Variants in CSMD1 observed in about 807,000 individuals in gnomAD.
The protein encoded by CSMD1 is CUB and Sushi multiple domains 1.
A neutral mutation model predicts 417.5 loss-of-function variants in CSMD1; 213 were observed. The observed-to-expected ratio is 0.51, with a 90% CI of 0.46 to 0.57. The LOEUF is 0.57. Among genes scored for constraint, CSMD1 ranks in the 20% least tolerant of loss-of-function variants. CSMD1 has a pLI of 0.00. For synonymous variants in CSMD1, 2,862 were observed against 1,736.8 expected, an observed-to-expected ratio of 1.65 and a Z score of -16.11; for missense variants, 6,923 against 4,529.7, an observed-to-expected ratio of 1.53 and a Z score of -15.17.
At chr8:4,971,067 A>G (rs7004048) in intron 1 of CSMD1, among the ~76,000 whole-genome samples, 2,718 of 152,158 alleles carry the variant, frequency 0.018, 88 homozygotes, top group African/African-American at 0.063. Flanking sequence ...GGTCTTAACT[A>G]TGTCTGTGAC....
chr8:4,951,833 G>C (rs912638054), intron 1 of CSMD1, among the ~76,000 whole-genome samples: 6 of 117,654 alleles, frequency 5.1e-5, no homozygotes, highest in African/African-American at 1.8e-4. Context: ...TGCTTATAAA[G>C]ATCAACAAAG....
chr8:3,507,072 G>T (rs62474254), intron 10 of CSMD1, among the ~76,000 whole-genome samples: 45,165 of 151,940 alleles, frequency 0.3, 7,613 homozygotes, highest in Non-Finnish European at 0.37. Context: ...TGGTGTCATG[G>T]TTACAGTTTT....
intron 40 of CSMD1, among the ~76,000 whole-genome samples, chr8:3,143,932 C>G (rs1002838077): frequency 6.6e-6 from 1 of 152,004 alleles, no homozygotes; most frequent in African/African-American, 2.4e-5. Flanking sequence ...AGAAAAAAGT[C>G]CAAGTGAAAA....
chr8:3,387,179 G>T (rs997983911), intron 18 of CSMD1, among the ~76,000 whole-genome samples: 3 of 152,218 alleles, frequency 2.0e-5, no homozygotes, highest in Non-Finnish European at 4.4e-5. Flanking sequence ...CCTAGGATAT[G>T]TGTGGCGACT....
At chr8:3,925,842 A>G (rs1251357681) in intron 5 of CSMD1, among the ~76,000 whole-genome samples, 1 of 152,060 alleles carries the variant, frequency 6.6e-6, no homozygotes, top group Non-Finnish European at 1.5e-5. Context: ...GGGCAGTGAA[A>G]GATATTTGGG....
rs1453243311 is a variant in CSMD1, at chr8:3,411,930, A to ATATG, written c.1562-2326_1562-2325insCATA. On this transcript the variant is annotated intron_variant, in intron 12 of 69. Coordinates refer to ENST00000635120, the MANE Select transcript of CSMD1 (RefSeq NM_033225.6). ...TACACGTATATATGCACGTATATAT[A>ATATG]CACGTATATATGCACGTATATATAC... Among the ~76,000 whole-genome samples the ATATG allele has an allele frequency of 3.2e-4, 11 of 34,876 alleles. 2 individuals are homozygous for ATATG. The highest frequency in any genetic ancestry group is 1.2e-3 in the Admixed American group (4 of 3,392). 22.9% of individuals were successfully genotyped at this position (34,876 alleles called of 152,430 possible). A position where few individuals can be genotyped will look rare whatever the true frequency, so the allele number is the denominator to read the frequency against.
At chr8:3,253,098 C>G (rs1800395378) in intron 26 of CSMD1, among the ~76,000 whole-genome samples, 4 of 152,086 alleles carry the variant, frequency 2.6e-5, no homozygotes, top group African/African-American at 9.7e-5. Context: ...TCTTGGTTCT[C>G]CAGTTCTTTT....
At chr8:3,005,319 G>C (rs942197825) in intron 52 of CSMD1, among the ~76,000 whole-genome samples, 2 of 152,078 alleles carry the variant, frequency 1.3e-5, no homozygotes, top group East Asian at 1.9e-4. Flanking sequence ...ACTCTATTCT[G>C]TGTCTGATGA....
At chr8:3,248,426 T>C (rs761172796) in intron 26 of CSMD1, among the ~76,000 whole-genome samples, 2 of 149,764 alleles carry the variant, frequency 1.3e-5, no homozygotes, top group African/African-American at 4.9e-5. Flanking sequence ...TTCAGAAGAA[T>C]AAGGGAAATG....
intron 2 of CSMD1, among the ~76,000 whole-genome samples, chr8:4,527,827 A>C (rs1436999595): frequency 2.0e-5 from 3 of 152,330 alleles, no homozygotes; most frequent in Non-Finnish European, 1.5e-5. Flanking sequence ...AGAAAGATTA[A>C]GTTTTCAGCC....
At chr8:2,991,308 T>G (rs1224166110) in intron 54 of CSMD1, among the ~76,000 whole-genome samples, 1 of 152,266 alleles carries the variant, frequency 6.6e-6, no homozygotes, top group Admixed American at 6.5e-5. Flanking sequence ...TTTAAATTTC[T>G]GTAACAGGGT....
intron 49 of CSMD1, among the ~76,000 whole-genome samples, chr8:3,075,858 G>A (rs372380215): frequency 3.3e-5 from 5 of 150,864 alleles, no homozygotes; most frequent in African/African-American, 1.2e-4. Context: ...TGGGTAACAT[G>A]GGGAAACACT....
At chr8:4,310,410 C>G (rs1403698937) in intron 3 of CSMD1, among the ~76,000 whole-genome samples, 2 of 152,138 alleles carry the variant, frequency 1.3e-5, no homozygotes, top group Non-Finnish European at 2.9e-5. Flanking sequence ...GTCATTTAAA[C>G]ATTTTGGTAT....
chr8:3,965,320 A>C (rs1474878116), intron 5 of CSMD1, among the ~76,000 whole-genome samples: 1 of 152,180 alleles, frequency 6.6e-6, no homozygotes, highest in African/African-American at 2.4e-5. Context: ...GCTACCATGA[A>C]GATAATGTTC....
intron 2 of CSMD1, among the ~76,000 whole-genome samples, chr8:4,422,361 C>A (rs138096222): frequency 6.6e-6 from 1 of 152,028 alleles, no homozygotes; most frequent in Non-Finnish European, 1.5e-5. Context: ...GAAGCCCCAA[C>A]CCCCAACATA....
intron 25 of CSMD1, among the ~76,000 whole-genome samples, chr8:3,294,484 C>T (rs1232529373): frequency 1.3e-5 from 2 of 152,176 alleles, no homozygotes; most frequent in African/African-American, 2.4e-5. Context: ...GTTCAAGCTT[C>T]TGGGCCGTTT....
intron 3 of CSMD1, among the ~76,000 whole-genome samples, chr8:4,150,707 T>A (rs1273183624): frequency 6.6e-6 from 1 of 152,192 alleles, no homozygotes; most frequent in South Asian, 2.1e-4. Flanking sequence ...CCTTAGGGTG[T>A]GGAAAGCAGA....
At chr8:3,578,723 G>C (rs1040354982) in intron 9 of CSMD1, among the ~76,000 whole-genome samples, 1 of 152,112 alleles carries the variant, frequency 6.6e-6, no homozygotes, top group Non-Finnish European at 1.5e-5. Context: ...GACAGCCGAG[G>C]GAAACTGTTC....
intron 1 of CSMD1, among the ~76,000 whole-genome samples, chr8:4,797,608 GA>G (rs1290070930): frequency 1.3e-5 from 2 of 152,084 alleles, no homozygotes; most frequent in Non-Finnish European, 2.9e-5. Flanking sequence ...GGGGGAGAGA[GA>G]AAAAGAGATT....
Sources: gnomAD v4.1 joint callset for allele counts (sites outside exome capture counted in the v4.1 genomes callset) on GRCh38, gnomAD v4.1.1 for gene constraint, MANE v1.5 for transcripts, NCBI Gene and HGNC (gene_info 2026-07-23, HGNC 2026-07-21) for gene names.